Variants in GPC3 observed in about 807,000 individuals in gnomAD.
GPC3 encodes the protein glypican 3.
In GPC3, 3 loss-of-function variants were observed where a neutral mutation model predicts 34.4. The ratio of observed to expected loss-of-function variants is 0.09; its 90% CI spans 0.04 to 0.23. GPC3 has a LOEUF of 0.23. GPC3 is among the 10% of genes least tolerant of loss of function. The probability of loss-of-function intolerance (pLI) is 1.00; values close to 1 mark genes in which losing one functional copy is unlikely to be tolerated. For synonymous variants in GPC3, 177 were observed against 174.0 expected (o/e 1.02, Z -0.13); for missense variants, 351 against 445.6 (o/e 0.79, Z 1.91).
chrX:133,573,622 T>G (rs1345454332), intron 7 of GPC3, among the ~76,000 whole-genome samples: 1 of 111,983 alleles, frequency 8.9e-6, no homozygotes, highest in African/African-American at 3.2e-5. Flanking sequence ...TATATAGACT[T>G]GCAATAAACT....
At chrX:133,643,045 G>T (rs1433532016) in intron 6 of GPC3, among the ~76,000 whole-genome samples, 1 of 111,788 alleles carries the variant, frequency 8.9e-6, no homozygotes, top group Non-Finnish European at 1.9e-5. Flanking sequence ...GCCCATTTGT[G>T]AATGACAGAA....
Position 133,743,611 on chromosome X carries a change from A to G in GPC3, c.1032+9871T>C, listed in dbSNP as rs753767489. ...TTTAATCACAGGGAAATCACAGTGT[A>G]TATGACTCTGTTTTGTGTGGCATTT... On this transcript the variant is annotated intron_variant, in intron 3 of 7. Transcript: ENST00000370818. Among the ~76,000 whole-genome samples, 11 of 112,152 alleles carry G rather than the reference A, an allele frequency of 9.8e-5. No individual in the cohort carries two copies. In the East Asian group the frequency reaches 2.8e-3, roughly 29 times the overall value.
In GPC3 at chrX:133,700,500, A is replaced by C. The variant is rs181775990; in HGVS notation, c.1033-472T>G. On this transcript the variant is annotated intron_variant, in intron 3 of 7. Transcript: ENST00000370818. ...CCAATTTCTATGAGTATTTTTTTAT[A>C]AGACCCAAGATAAGGTACTCTGATA... is the stretch of plus-strand genomic sequence containing the variant. 3.6e-5 allele frequency among the ~76,000 whole-genome samples: 4 copies of C among 111,332 alleles called. No homozygotes were observed. The East Asian group carries it at 1.1e-3, about 32-fold the overall frequency.
chrX:133,554,333 A>G (rs2069466186), intron 7 of GPC3, among the ~76,000 whole-genome samples: 1 of 94,495 alleles, frequency 1.1e-5, no homozygotes, highest in Admixed American at 1.2e-4. Context: ...TTTTTTTTAG[A>G]GATGGGGTCT....
chrX:133,705,425 C>A (rs1371580952), intron 3 of GPC3, among the ~76,000 whole-genome samples: 1 of 111,457 alleles, frequency 9.0e-6, no homozygotes, highest in Non-Finnish European at 1.9e-5. Context: ...CTCCTGGACT[C>A]AAGTGATCTG....
intron 2 of GPC3, among the ~76,000 whole-genome samples, chrX:133,883,448 A>G (rs371929366): frequency 1.8e-5 from 2 of 112,103 alleles, no homozygotes; most frequent in Admixed American, 9.5e-5. Flanking sequence ...CATTTTTGCC[A>G]TCCTGCCATT....
At chrX:133,785,877 C>T (rs759078260) in intron 2 of GPC3, among the ~76,000 whole-genome samples, 2 of 111,766 alleles carry the variant, frequency 1.8e-5, no homozygotes, top group East Asian at 5.6e-4. Flanking sequence ...TACTATAGTC[C>T]GTGAAAATCA....
intron 2 of GPC3, among the ~76,000 whole-genome samples, chrX:133,772,827 A>G (rs1264103363): frequency 9.0e-6 from 1 of 111,240 alleles, no homozygotes; most frequent in Non-Finnish European, 1.9e-5. Context: ...TCCACTTCAT[A>G]GGTGAGAAAA....
chrX:133,540,068 C>T (rs1188419551), intron 7 of GPC3, among the ~76,000 whole-genome samples: 1 of 112,214 alleles, frequency 8.9e-6, no homozygotes, highest in African/African-American at 3.2e-5. Context: ...CAACTAGCTA[C>T]GTGGCAGAAA....
chrX:133,721,908 T>C (rs192454244), intron 3 of GPC3, among the ~76,000 whole-genome samples: 1 of 111,653 alleles, frequency 9.0e-6, no homozygotes, highest in African/African-American at 3.2e-5. Flanking sequence ...AAAGCACAAA[T>C]AACCAAAGCA....
intron 2 of GPC3, among the ~76,000 whole-genome samples, chrX:133,777,126 G>A (rs913103318): frequency 1.4e-4 from 15 of 109,642 alleles, no homozygotes; most frequent in African/African-American, 4.6e-4. Context: ...TGATCTGTCC[G>A]CTTCGACCTC....
chrX:133,783,227 G>A (rs913681103), intron 2 of GPC3, among the ~76,000 whole-genome samples: 5 of 111,135 alleles, frequency 4.5e-5, no homozygotes, highest in African/African-American at 6.5e-5. Context: ...TTTAACAGCC[G>A]CTACCAGTCA....
At chrX:133,620,022 C>T (rs1413864878) in intron 6 of GPC3, among the ~76,000 whole-genome samples, 1 of 108,822 alleles carries the variant, frequency 9.2e-6, no homozygotes, top group Non-Finnish European at 1.9e-5. Flanking sequence ...AGATCAAGAC[C>T]ATCCTGGCTA....
chrX:133,665,202 T>C (rs2070758311), intron 5 of GPC3, among the ~76,000 whole-genome samples: 1 of 112,178 alleles, frequency 8.9e-6, no homozygotes. Flanking sequence ...AATCCCAAGT[T>C]ATGAAGTACA....
chrX:133,591,180 G>T (rs771395796), intron 7 of GPC3, among the ~76,000 whole-genome samples: 1 of 111,775 alleles, frequency 8.9e-6, no homozygotes, highest in South Asian at 3.8e-4. Flanking sequence ...AACATATTCC[G>T]AGCCATGCTC....
intron 7 of GPC3, among the ~76,000 whole-genome samples, chrX:133,564,398 TTGAACCCCATTTCTGCATGGCCC>T (rs1368135936): frequency 9.0e-6 from 1 of 111,358 alleles, no homozygotes; most frequent in Non-Finnish European, 1.9e-5. Context: ...AATTTGAGGC[TTGAACCCCATTTCTGCATGGCCC>T]TGTGCTTTGT....
At chrX:133,718,106 A>C (rs1261445065) in intron 3 of GPC3, among the ~76,000 whole-genome samples, 1 of 112,085 alleles carries the variant, frequency 8.9e-6, no homozygotes, top group East Asian at 2.8e-4. Flanking sequence ...AGAGAAAGAA[A>C]GAAGAAACAT....
intron 2 of GPC3, among the ~76,000 whole-genome samples, chrX:133,913,403 A>AT (rs776919331): frequency 4.4e-5 from 5 of 112,775 alleles, no homozygotes; most frequent in Non-Finnish European, 9.4e-5. Context: ...CAAGGGCAAA[A>AT]TTTTAGCAGA....
Position 133,536,322 on chromosome X carries a change from T to C in GPC3, c.1574-29A>G, listed in dbSNP as rs577391785. ...TCAATCAAAAGAGAAGGATTTGAAA[T>C]GCAAGTCTACCCATAGCCTCAGTAT... On this transcript the variant is annotated intron_variant, in intron 7 of 7. Coordinates refer to ENST00000370818, the MANE Select transcript of GPC3 (RefSeq NM_004484.4). 12 of 1,103,754 alleles carry C rather than the reference T, an allele frequency of 1.1e-5. No homozygotes were observed. The South Asian group carries it at 2.0e-4, about 19-fold the overall frequency. 91.0% of individuals were successfully genotyped at this position (1,103,754 alleles called of 1,213,427 possible). A position where few individuals can be genotyped will look rare whatever the true frequency, so the allele number is the denominator to read the frequency against.
Sources: allele counts gnomAD v4.1 joint callset (sites outside exome capture counted in the v4.1 genomes callset), GRCh38; gene constraint gnomAD v4.1.1; transcripts MANE v1.5; gene names NCBI Gene and HGNC (gene_info 2026-07-23, HGNC 2026-07-21).